The following UBE2O variants were observed in gnomAD, a reference collection of about 807,000 sequenced individuals.
The protein encoded by UBE2O is (E3-independent) E2 ubiquitin-conjugating enzyme.
A neutral mutation model predicts 125.8 loss-of-function variants in UBE2O; 15 were observed. The ratio of observed to expected loss-of-function variants is 0.12; its 90% CI spans 0.08 to 0.18. UBE2O has a LOEUF of 0.18. UBE2O is among the 10% of genes least tolerant of loss of function. UBE2O has a pLI of 1.00. For missense variants in UBE2O, 1,280 were observed against 1,723.6 expected, an observed-to-expected ratio of 0.74 and a Z score of 4.56; for synonymous variants, 708 against 703.2, an observed-to-expected ratio of 1.01 and a Z score of -0.11.
In UBE2O at chr17:76,452,216, T is replaced by C. The variant is rs916207608; in HGVS notation, c.417+509A>G. Among the ~76,000 whole-genome samples, 13 of 152,312 alleles carry C rather than the reference T, an allele frequency of 8.5e-5. No homozygotes were observed. Among genetic ancestry groups the C allele is most frequent in the South Asian group, 2.1e-4 (1 of 4,830 alleles). ...AAAAAGAGGCTGGGTGGCTTCACCATAATGCAGCCTGTAAGCTAGTGAACT... is the reference window on the plus strand; with the variant it reads ...AAAAAGAGGCTGGGTGGCTTCACCACAATGCAGCCTGTAAGCTAGTGAACT... On this transcript the variant is annotated intron_variant, in intron 1 of 17. Coordinates refer to ENST00000319380, the MANE Select transcript of UBE2O (RefSeq NM_022066.4). This position sits in a 1 kb window ranked among gnomAD's most constrained non-coding sequence, Gnocchi z 4.4.
At chr17:76,408,220 C>T (rs1475394614) in intron 1 of UBE2O, among the ~76,000 whole-genome samples, 1 of 152,204 alleles carries the variant, frequency 6.6e-6, no homozygotes, top group South Asian at 2.1e-4. Context: ...TCAGTGCCCC[C>T]GTCAGGAAGG....
At chr17:76,437,601 G>C (rs1209420578) in intron 1 of UBE2O, among the ~76,000 whole-genome samples, 1 of 152,050 alleles carries the variant, frequency 6.6e-6, no homozygotes, top group African/African-American at 2.4e-5. Context: ...TTTTTTGCGA[G>C]ATGCAGTCTC....
At position 76,395,870 on chromosome 17, in the gene UBE2O, G is replaced by A. The variant is rs1295701116; in HGVS notation, c.2810-9C>T. The A allele has an allele frequency of 3.1e-6, 5 of 1,614,122 alleles. No homozygotes were observed. The highest frequency in any genetic ancestry group is 4.2e-6 in the Non-Finnish European group (5 of 1,180,044). On this transcript the variant is annotated splice_polypyrimidine_tract_variant and intron_variant, in intron 14 of 17. Transcript: ENST00000319380. This position sits in a 1 kb window ranked among gnomAD's most constrained non-coding sequence, Gnocchi z 5.0. ...CTTAAAAGAATGATTTGCTAGAGGG[G>A]GGAAGAGAATAGTCAGTCCCTCATG...
Position 76,399,900 on chromosome 17 carries a change from GCTT to G in UBE2O, c.1174_1176del (p.Lys392del). ...GAGCATGACATGATCCGCACAACCT[GCTT>G]CTTCAACAGGCGCTTCACCTGCAAG... On this transcript the variant is annotated inframe_deletion, in exon 9 of 18. Coordinates refer to ENST00000319380, the MANE Select transcript of UBE2O (RefSeq NM_022066.4). This position sits in a 1 kb window ranked among gnomAD's most constrained non-coding sequence, Gnocchi z 6.9. 1.9e-6 allele frequency: 3 copies of G among 1,607,820 alleles called. No homozygotes were observed. Among genetic ancestry groups the G allele is most frequent in the Non-Finnish European group, 2.5e-6 (3 of 1,176,886 alleles).
chr17:76,396,427 G>A lies in UBE2O; in HGVS notation c.2510C>T (p.Pro837Leu). 1.2e-6 allele frequency: 2 copies of A among 1,614,164 alleles called. No homozygotes were observed. Among genetic ancestry groups the A allele is most frequent in the South Asian group, 1.1e-5 (1 of 91,074 alleles). The change falls in exon 14 of 18, where the codon CCC (proline) becomes CTC (leucine). Residue 837 changes from proline to leucine, a missense_variant. Around this residue, in one of 10 missense-constraint regions of UBE2O, gnomAD observed 210 missense variants for 268.9 expected, o/e 0.78. Coordinates refer to ENST00000319380, the MANE Select transcript of UBE2O (RefSeq NM_022066.4). This position sits in a 1 kb window ranked among gnomAD's most constrained non-coding sequence, Gnocchi z 6.7. ...MTVEQLLTGS[P>L]TSPTVEPEKP... Reference sequence around the variant, plus strand: ...CTCAGGCTCCACAGTCGGAGAGGTGGGCGAGCCCGTCAGCAGCTGCTCCAC... The same window carrying A: ...CTCAGGCTCCACAGTCGGAGAGGTGAGCGAGCCCGTCAGCAGCTGCTCCAC...
Position 76,401,152 on chromosome 17 carries a change from A to C in UBE2O, c.753T>G (p.Gly251=). The C allele has an allele frequency of 6.2e-7, 1 of 1,613,178 alleles. No homozygotes were observed. The highest frequency in any genetic ancestry group is 8.5e-7 in the Non-Finnish European group (1 of 1,179,744). Residue 251 remains glycine (G), a splice_region_variant and synonymous_variant, in exon 6 of 18, where the codon GGT becomes GGG. Transcript: ENST00000319380. ...YDVCPHVSDS[G]LFFDDSYGFY... ...AGCCATAGGAATCATCGAAGAAGAG[A>C]CCCTGCGGGATGTGGGGCCAAAGGA...
chr17:76,421,101 T>C (rs1047154553), intron 1 of UBE2O, among the ~76,000 whole-genome samples: 2 of 152,136 alleles, frequency 1.3e-5, no homozygotes, highest in African/African-American at 4.8e-5. Flanking sequence ...CACCACCCAT[T>C]TGCTAAGTGG....
Position 76,390,951 on chromosome 17 carries a change from C to A in UBE2O, c.3871G>T (p.Asp1291Tyr), listed in dbSNP as rs1487185575. The change falls in exon 18 of 18, where the codon GAC becomes TAC. Residue 1291 changes from aspartate to tyrosine, a missense_variant. Asp to Tyr is a radical substitution (Grantham distance 160). This residue lies in a region of UBE2O where 233 missense variants were observed against 279.0 expected (regional missense o/e 0.84). Transcript: ENST00000319380. ...LEAGMPECTE[D>Y]K is the part of the protein sequence containing the mutation. ...TCCTCTGTGCCTGGCAGCTACTTGT[C>A]CTCTGTGCACTCCGGCATGCCTGCC... 1.2e-6 allele frequency: 2 copies of A among 1,604,540 alleles called. No individual in the cohort carries two copies. Among genetic ancestry groups the A allele is most frequent in the Non-Finnish European group, 1.7e-6 (2 of 1,175,636 alleles).
Position 76,405,232 on chromosome 17 carries a change from T to C in UBE2O, c.562A>G (p.Asn188Asp), listed in dbSNP as rs2072394632. The C allele has an allele frequency of 6.2e-7, 1 of 1,612,720 alleles. No individual in the cohort carries two copies. ...CAGATGTGCTGCAGGTCCTTGCTGT[T>C]GACGGGATAGATGATGCAGTTGGTG... is the stretch of plus-strand genomic sequence containing the variant. ...IGTNCIIYPV[N>D]SKDLQHIWPF... The change falls in exon 3 of 18, where the codon AAC becomes GAC. Residue 188 changes from asparagine to aspartate, a missense_variant. Asn to Asp is a conservative substitution (Grantham distance 23). Around this residue, in one of 10 missense-constraint regions of UBE2O, gnomAD observed 206 missense variants for 315.7 expected, o/e 0.65. Coordinates refer to ENST00000319380, the MANE Select transcript of UBE2O (RefSeq NM_022066.4). This position sits in a 1 kb window ranked among gnomAD's most constrained non-coding sequence, Gnocchi z 6.1.
intron 1 of UBE2O, among the ~76,000 whole-genome samples, chr17:76,419,398 G>A (rs1215092998): frequency 1.3e-5 from 2 of 152,022 alleles, no homozygotes; most frequent in East Asian, 3.8e-4. Flanking sequence ...GCTGATATGG[G>A]GGTGTAATGA....
At position 76,399,045 on chromosome 17, in the gene UBE2O, A is replaced by G; in HGVS notation, c.1629-54T>C. 1 of 1,589,892 alleles carries G rather than the reference A, an allele frequency of 6.3e-7. No homozygotes were observed. Among genetic ancestry groups the G allele is most frequent in the Non-Finnish European group, 8.6e-7 (1 of 1,169,112 alleles). ...TGCAAACCCCACCCCCTCCGCGGAA[A>G]GGGCAGAGAGTCTTTCTGTCCCTTC... On this transcript the variant is annotated intron_variant, in intron 9 of 17. Transcript: ENST00000319380. This position sits in a 1 kb window ranked among gnomAD's most constrained non-coding sequence, Gnocchi z 6.9.
At chr17:76,427,388 T>C (rs2072829165) in intron 1 of UBE2O, among the ~76,000 whole-genome samples, 1 of 152,258 alleles carries the variant, frequency 6.6e-6, no homozygotes, top group Non-Finnish European at 1.5e-5. Flanking sequence ...TATTCTTTCC[T>C]TTGACATCTA....
Position 76,400,310 on chromosome 17 carries a change from G to T in UBE2O, c.1005-13C>A. The T allele has an allele frequency of 1.2e-6, 2 of 1,612,606 alleles. No individual in the cohort carries two copies. The highest frequency in any genetic ancestry group is 4.5e-5 in the East Asian group (2 of 44,834). ...GAGACGCTTCACCCTGGTTGGGGAAGAAGTGGGGGTGAGCTGGGCTGGACT... is the reference window on the plus strand; with the variant it reads ...GAGACGCTTCACCCTGGTTGGGGAATAAGTGGGGGTGAGCTGGGCTGGACT... On this transcript the variant is annotated splice_polypyrimidine_tract_variant and intron_variant, in intron 7 of 17. Transcript: ENST00000319380. This position sits in a 1 kb window ranked among gnomAD's most constrained non-coding sequence, Gnocchi z 4.3.
intron 1 of UBE2O, among the ~76,000 whole-genome samples, chr17:76,443,946 C>A (rs954598149): frequency 6.6e-6 from 1 of 152,194 alleles, no homozygotes; most frequent in Non-Finnish European, 1.5e-5. Flanking sequence ...GTCGGCCAGG[C>A]GCGGTAGCTC....
chr17:76,422,350 T>A (rs2072725379), intron 1 of UBE2O, among the ~76,000 whole-genome samples: 1 of 152,184 alleles, frequency 6.6e-6, no homozygotes, highest in Non-Finnish European at 1.5e-5. Flanking sequence ...GTCCCATCTC[T>A]CCTCCAGCAA....
chr17:76,422,244 TG>T (rs1468043757), intron 1 of UBE2O, among the ~76,000 whole-genome samples: 1 of 152,170 alleles, frequency 6.6e-6, no homozygotes, highest in African/African-American at 2.4e-5. Context: ...AAAGGGAAGA[TG>T]ATGTGTGGAA....
Position 76,452,638 on chromosome 17 carries a change from G to A in UBE2O, c.417+87C>T. On this transcript the variant is annotated intron_variant, in intron 1 of 17. Coordinates refer to ENST00000319380, the MANE Select transcript of UBE2O (RefSeq NM_022066.4). This position sits in a 1 kb window ranked among gnomAD's most constrained non-coding sequence, Gnocchi z 4.4. ...GGCCACTGCAGTGGCACCGCTCCGG[G>A]CAGGGCCCTGCACGCCGTCCTTCCC... 1.6e-6 allele frequency: 2 copies of A among 1,240,248 alleles called. No individual in the cohort carries two copies. The highest frequency in any genetic ancestry group is 2.1e-6 in the Non-Finnish European group (2 of 973,608). The allele number at this position is 1,240,248 out of a possible 1,614,324, so 76.8% of individuals were successfully genotyped here.
chr17:76,416,236 ATATG>A (rs995606040), intron 1 of UBE2O, among the ~76,000 whole-genome samples: 1 of 151,890 alleles, frequency 6.6e-6, no homozygotes, highest in African/African-American at 2.4e-5. Flanking sequence ...ATATGTGTAT[ATATG>A]TGTGTATATG....
chr17:76,395,098 A>G lies in UBE2O; in HGVS notation c.2946+627T>C, dbSNP rs1368203107. On this transcript the variant is annotated intron_variant, in intron 15 of 17. Coordinates refer to ENST00000319380, the MANE Select transcript of UBE2O (RefSeq NM_022066.4). This position sits in a 1 kb window ranked among gnomAD's most constrained non-coding sequence, Gnocchi z 5.0. ...ACCGGGTTGGTCAGGCTGGTCTCAA[A>G]CTTCTGACCTCAGGTGATCCACCTG... Among the ~76,000 whole-genome samples the G allele has an allele frequency of 1.3e-5, 2 of 152,092 alleles. No individual in the cohort carries two copies. Among genetic ancestry groups the G allele is most frequent in the African/African-American group, 4.8e-5 (2 of 41,404 alleles).
Sources: gnomAD v4.1 joint callset for allele counts (sites outside exome capture counted in the v4.1 genomes callset) on GRCh38, gnomAD v4.1.1 for gene constraint, gnomAD v4.1.1 regional missense constraint, Gnocchi (gnomAD v3.1) non-coding constraint, MANE v1.5 for transcripts, NCBI Gene and HGNC (gene_info 2026-07-23, HGNC 2026-07-21) for gene names.